PMFBP1: variants seen among roughly 807,000 people sequenced by gnomAD.
PMFBP1 encodes the protein polyamine-modulated factor 1-binding protein 1.
Under a neutral mutation model 137.8 loss-of-function variants are expected in PMFBP1, and 131 were observed. The ratio of observed to expected loss-of-function variants is 0.95; its 90% confidence interval spans 0.82 to 1.10. The LOEUF (loss-of-function observed/expected upper bound fraction) is 1.10, where lower values mean the gene tolerates loss of function less well. Ranked by LOEUF, PMFBP1 falls within the 50% of genes least tolerant of loss-of-function variation. The pLI is 0.00. For missense variants in PMFBP1, 1,199 were observed against 1,175.4 expected, an observed-to-expected ratio of 1.02 and a Z score of -0.29; for synonymous variants, 490 against 450.4, an observed-to-expected ratio of 1.09 and a Z score of -1.11.
intron 2 of PMFBP1, among the ~76,000 whole-genome samples, chr16:72,165,618 C>T (rs748020657): frequency 1.3e-5 from 2 of 152,014 alleles, no homozygotes; most frequent in Non-Finnish European, 2.9e-5. Flanking sequence ...CAGGGTTTCA[C>T]AGTTTTAGCC....
At chr16:72,207,361 A>G in the PMFBP1 span, among the ~76,000 whole-genome samples, 1 of 152,188 alleles carries the variant, frequency 6.6e-6, no homozygotes, top group African/African-American at 2.4e-5. Flanking sequence ...GGAGGTTTTC[A>G]GCCAGAAGCA....
the PMFBP1 span, among the ~76,000 whole-genome samples, chr16:72,222,071 T>C: frequency 6.6e-6 from 1 of 152,188 alleles, no homozygotes; most frequent in African/African-American, 2.4e-5. Context: ...TAAAGCAATA[T>C]GCATGGGAGT....
At chr16:72,192,856 C>T in the PMFBP1 span, among the ~76,000 whole-genome samples, 1 of 150,924 alleles carries the variant, frequency 6.6e-6, no homozygotes, top group African/African-American at 2.4e-5. Context: ...GAGCCGAGAT[C>T]CTGCCACTGC....
Position 72,152,270 on chromosome 16 carries a change from G to C in PMFBP1, c.415-1441C>G, listed in dbSNP as rs2042913004. 2.0e-5 allele frequency among the ~76,000 whole-genome samples: 3 copies of C among 152,068 alleles called. No homozygotes were observed. In the South Asian group the frequency reaches 6.2e-4, roughly 32 times the overall value. On this transcript the variant is annotated intron_variant, in intron 4 of 20. Transcript: ENST00000237353. The stretch of plus-strand genomic sequence containing the variant: ...ATTCTCTCAATGCTTTCTCGGTTTG[G>C]GATCTTTGACAGTGACTGTTATTTG...
At chr16:72,241,385 A>G in the PMFBP1 span, among the ~76,000 whole-genome samples, 1 of 152,236 alleles carries the variant, frequency 6.6e-6, no homozygotes, top group Non-Finnish European at 1.5e-5. Context: ...GGCTATTCTC[A>G]TATTATGTCA....
At chr16:72,232,017 C>G in the PMFBP1 span, among the ~76,000 whole-genome samples, 2 of 148,164 alleles carry the variant, frequency 1.3e-5, no homozygotes, top group African/African-American at 4.9e-5. Flanking sequence ...CAAGTTGACA[C>G]CATTTCGTGA....
At chr16:72,124,105 C>G (rs1042727079) in intron 17 of PMFBP1, among the ~76,000 whole-genome samples, 2 of 152,256 alleles carry the variant, frequency 1.3e-5, no homozygotes, top group South Asian at 2.1e-4. Flanking sequence ...ACCTCCCCCC[C>G]GGCTCAAGCT....
At chr16:72,248,068 C>T in the PMFBP1 span, among the ~76,000 whole-genome samples, 1 of 152,110 alleles carries the variant, frequency 6.6e-6, no homozygotes, top group African/African-American at 2.4e-5. Flanking sequence ...ATAAATGAGT[C>T]AGAACTTCAA....
chr16:72,234,647 G>A, the PMFBP1 span, among the ~76,000 whole-genome samples: 1 of 152,150 alleles, frequency 6.6e-6, no homozygotes, highest in Non-Finnish European at 1.5e-5. Context: ...CGAGCAGCCT[G>A]CTATCAAGTG....
the PMFBP1 span, among the ~76,000 whole-genome samples, chr16:72,206,274 A>G: frequency 6.6e-6 from 1 of 152,206 alleles, no homozygotes; most frequent in Non-Finnish European, 1.5e-5. Context: ...TGCCTGTGAC[A>G]GTCCTCATAG....
chr16:72,134,158 G>A (rs1489748259), intron 9 of PMFBP1, among the ~76,000 whole-genome samples: 1 of 151,972 alleles, frequency 6.6e-6, no homozygotes, highest in African/African-American at 2.4e-5. Flanking sequence ...CTGCTCTAAG[G>A]CTTTTAAAAA....
intron 5 of PMFBP1, among the ~76,000 whole-genome samples, chr16:72,146,895 C>T (rs2144386641): frequency 6.6e-6 from 1 of 152,342 alleles, no homozygotes; most frequent in East Asian, 1.9e-4. Context: ...AATGGAAGAA[C>T]ATTCCATGCT....
the PMFBP1 span, among the ~76,000 whole-genome samples, chr16:72,184,554 A>G: frequency 2.0e-4 from 31 of 152,188 alleles, 1 homozygote; most frequent in African/African-American, 7.0e-4. Context: ...TACTGTGGTT[A>G]TTTTTATTGT....
chr16:72,222,887 A>C, the PMFBP1 span, among the ~76,000 whole-genome samples: 243 of 152,314 alleles, frequency 1.6e-3, 1 homozygote, highest in African/African-American at 5.4e-3. Flanking sequence ...TTGACTCTTA[A>C]AGGAGCAGTA....
chr16:72,140,334 G>T, intron 6 of PMFBP1, 78 bp downstream of exon 6: 1 of 1,382,674 alleles, frequency 7.2e-7, no homozygotes, highest in Non-Finnish European at 1.0e-6. Flanking sequence ...TAATTTAGGT[G>T]ACTCTTTTCC....
At chr16:72,244,399 A>G in the PMFBP1 span, among the ~76,000 whole-genome samples, 2 of 152,224 alleles carry the variant, frequency 1.3e-5, no homozygotes, top group African/African-American at 4.8e-5. Context: ...AGAAAAGAAT[A>G]TAGATGCAAA....
the PMFBP1 span, among the ~76,000 whole-genome samples, chr16:72,228,814 T>C: frequency 6.6e-6 from 1 of 151,810 alleles, no homozygotes; most frequent in South Asian, 2.1e-4. Context: ...ACAATATTTT[T>C]CTTGTATACT....
At position 72,164,885 on chromosome 16, in the gene PMFBP1, A is replaced by C; in HGVS notation, c.44T>G (p.Leu15Arg). 5 of 1,603,764 alleles carry C rather than the reference A, an allele frequency of 3.1e-6. No homozygotes were observed. The highest frequency in any genetic ancestry group is 4.3e-6 in the Non-Finnish European group (5 of 1,171,466). The change falls in exon 3 of 21, where the codon CTG becomes CGG. Residue 15 changes from leucine (L) to arginine (R), a missense_variant. Physicochemically the swap from Leu to Arg is moderately radical, Grantham distance 102 (BLOSUM62 -2). Transcript: ENST00000237353. ...TTGCAGGCTTAACAGCTTGCTGTTC[A>C]GGCTGCTCACTTCTCTGTCTCTCTC... ...AGERDREVSS[L>R]NSKLLSLQLD...
At chr16:72,220,959 A>G in the PMFBP1 span, among the ~76,000 whole-genome samples, 1 of 152,176 alleles carries the variant, frequency 6.6e-6, no homozygotes, top group Non-Finnish European at 1.5e-5. Flanking sequence ...CAGAACTCTC[A>G]GTTTCCTGAG....
Sources: allele counts gnomAD v4.1 joint callset (sites outside exome capture counted in the v4.1 genomes callset), GRCh38; gene constraint gnomAD v4.1.1; transcripts MANE v1.5; gene names NCBI Gene and HGNC (gene_info 2026-07-23, HGNC 2026-07-21).